The following TMEM232 variants were observed in gnomAD, a reference collection of about 807,000 sequenced individuals.
The protein encoded by TMEM232 is transmembrane protein 232.
In TMEM232, 80 loss-of-function variants were observed where a neutral mutation model predicts 78.8. That is an observed-to-expected ratio of 1.01 (90% CI 0.85 to 1.22). The LOEUF is 1.22. Among genes scored for constraint, TMEM232 ranks in the 50% most tolerant of loss-of-function variants. The pLI, the probability that TMEM232 is intolerant of heterozygous loss-of-function variation, is 0.00. For synonymous variants in TMEM232, 297 were observed against 254.3 expected (o/e 1.17, Z -1.60); for missense variants, 881 against 742.2 (o/e 1.19, Z -2.17).
At chr5:110,586,568 T>TCACACA (rs61213708) in intron 10 of TMEM232, among the ~76,000 whole-genome samples, 6 of 148,386 alleles carry the variant, frequency 4.0e-5, no homozygotes, top group African/African-American at 1.5e-4. Flanking sequence ...ACACACCCTT[T>TCACACA]CACACACACA....
intron 12 of TMEM232, among the ~76,000 whole-genome samples, chr5:110,513,354 G>A (rs1055557637): frequency 3.9e-5 from 6 of 152,084 alleles, no homozygotes; most frequent in African/African-American, 1.4e-4. Context: ...GAAGAGATAA[G>A]CTATGGAATG....
intron 10 of TMEM232, among the ~76,000 whole-genome samples, chr5:110,576,665 T>C (rs1057148439): frequency 3.3e-5 from 5 of 152,142 alleles, no homozygotes; most frequent in African/African-American, 1.2e-4. Context: ...CAAAACAGCA[T>C]GATACTGATA....
At chr5:110,407,040 A>C (rs1244805386) in intron 2 of TMEM232, among the ~76,000 whole-genome samples, 3 of 152,116 alleles carry the variant, frequency 2.0e-5, no homozygotes, top group Admixed American at 6.6e-5. Flanking sequence ...ATCAGAGATA[A>C]TAACTACAAA....
At chr5:110,557,249 C>T (rs1011660754) in intron 11 of TMEM232, among the ~76,000 whole-genome samples, 20 of 152,216 alleles carry the variant, frequency 1.3e-4, no homozygotes, top group African/African-American at 4.8e-4. Flanking sequence ...CTTAAAACGG[C>T]TATTTCCTCT....
intron 12 of TMEM232, among the ~76,000 whole-genome samples, chr5:110,465,440 C>T (rs973888601): frequency 1.3e-5 from 2 of 152,162 alleles, no homozygotes; most frequent in Non-Finnish European, 1.5e-5. Context: ...ACTCAGGCTG[C>T]ATAATATTTT....
chr5:110,456,306 A>G (rs1760887340), intron 12 of TMEM232, among the ~76,000 whole-genome samples: 2 of 152,132 alleles, frequency 1.3e-5, no homozygotes. Context: ...AAGATATACA[A>G]CAACAAAAAC....
Position 110,674,645 on chromosome 5 carries a change from T to C in TMEM232, c.-12-7281A>G, listed in dbSNP as rs144022332. 3.0e-3 allele frequency among the ~76,000 whole-genome samples: 464 copies of C among 152,328 alleles called. 1 individual carries two copies. Among genetic ancestry groups the C allele is most frequent in the African/African-American group, 0.011 (448 of 41,576 alleles). On this transcript the variant is annotated intron_variant, in intron 1 of 13. Coordinates refer to ENST00000455884, the MANE Select transcript of TMEM232 (RefSeq NM_001039763.4). ...TATTTCATCTGTTGGCTGTAGCCAATAGCACTTTATATTGCTAAGACTAAA... is the reference window on the plus strand; with the variant it reads ...TATTTCATCTGTTGGCTGTAGCCAACAGCACTTTATATTGCTAAGACTAAA...
At chr5:110,400,855 T>A (rs1755565995) in intron 2 of TMEM232, among the ~76,000 whole-genome samples, 1 of 152,132 alleles carries the variant, frequency 6.6e-6, no homozygotes, top group South Asian at 2.1e-4. Context: ...ATCCTTTTGT[T>A]CTTTCATTGA....
chr5:110,465,031 C>T (rs1000218566), intron 12 of TMEM232, among the ~76,000 whole-genome samples: 28 of 152,182 alleles, frequency 1.8e-4, no homozygotes, highest in African/African-American at 5.8e-4. Flanking sequence ...TAAACAGACA[C>T]TTTTCTCAAA....
intron 12 of TMEM232, among the ~76,000 whole-genome samples, chr5:110,466,404 G>A (rs987847626): frequency 1.6e-4 from 25 of 152,032 alleles, no homozygotes; most frequent in Non-Finnish European, 2.9e-5. Context: ...AGAGAATTAG[G>A]TATACAGAAG....
chr5:110,451,357 G>A (rs11748623), intron 12 of TMEM232, among the ~76,000 whole-genome samples: 5,824 of 152,148 alleles, frequency 0.038, 170 homozygotes, highest in Non-Finnish European at 0.054. Flanking sequence ...ATGCCTTTTA[G>A]ATGTTGCTGT....
intron 3 of TMEM232, among the ~76,000 whole-genome samples, chr5:110,394,310 T>C (rs773886824): frequency 6.6e-6 from 1 of 152,208 alleles, no homozygotes; most frequent in Non-Finnish European, 1.5e-5. Context: ...TACATGGTAC[T>C]CCATTGTGTA....
At chr5:110,530,200 T>C (rs1458492721) in intron 11 of TMEM232, among the ~76,000 whole-genome samples, 2 of 152,138 alleles carry the variant, frequency 1.3e-5, no homozygotes, top group African/African-American at 4.8e-5. Context: ...TCTCAGGATA[T>C]AGACTGAACG....
intron 12 of TMEM232, among the ~76,000 whole-genome samples, chr5:110,469,493 G>T (rs1431649484): frequency 3.9e-5 from 6 of 152,286 alleles, no homozygotes; most frequent in African/African-American, 1.4e-4. Context: ...ATGGTGCCTT[G>T]GTGAAGCCAC....
At chr5:110,656,659 A>G (rs1336520566) in intron 2 of TMEM232, among the ~76,000 whole-genome samples, 2 of 152,064 alleles carry the variant, frequency 1.3e-5, no homozygotes, top group Non-Finnish European at 1.5e-5. Context: ...CTAACAAGTG[A>G]AACCCCGTCT....
intron 11 of TMEM232, among the ~76,000 whole-genome samples, chr5:110,553,156 T>C (rs1002129839): frequency 2.0e-5 from 3 of 152,066 alleles, no homozygotes; most frequent in Non-Finnish European, 2.9e-5. Context: ...GTATAGTTTG[T>C]AGTTGGGTAG....
intron 2 of TMEM232, among the ~76,000 whole-genome samples, chr5:110,663,320 T>C (rs543359532): frequency 1.3e-5 from 2 of 152,114 alleles, no homozygotes; most frequent in South Asian, 4.1e-4. Flanking sequence ...AGTTAAAGGA[T>C]AAGGCATACC....
chr5:110,595,595 C>A (rs564463305), intron 10 of TMEM232, among the ~76,000 whole-genome samples: 46 of 152,158 alleles, frequency 3.0e-4, no homozygotes, highest in African/African-American at 1.1e-3. Context: ...CCTGATGGAG[C>A]TGAAAAACAC....
chr5:110,662,258 T>C (rs1311036722), intron 2 of TMEM232, among the ~76,000 whole-genome samples: 2 of 152,104 alleles, frequency 1.3e-5, no homozygotes, highest in African/African-American at 2.4e-5. Flanking sequence ...ACTAAATACA[T>C]AGAAATAAAT....
Sources: allele counts gnomAD v4.1 joint callset (sites outside exome capture counted in the v4.1 genomes callset), GRCh38; gene constraint gnomAD v4.1.1; transcripts MANE v1.5; gene names NCBI Gene and HGNC (gene_info 2026-07-23, HGNC 2026-07-21).